Variants in APOOL observed in about 807,000 individuals in gnomAD.
APOOL encodes the protein apolipoprotein O like, also known as MICOS complex subunit MIC27.
A neutral mutation model predicts 23.1 loss-of-function variants in APOOL; 12 were observed. The observed-to-expected ratio is 0.52, with a 90% CI of 0.33 to 0.84. The LOEUF (loss-of-function observed/expected upper bound fraction) is 0.84. Among genes scored for constraint, APOOL ranks in the 40% least tolerant of loss-of-function variants. The probability of loss-of-function intolerance (pLI) is 0.02; values close to 1 mark genes in which losing one functional copy is unlikely to be tolerated. For synonymous variants in APOOL, 77 were observed against 69.9 expected (o/e 1.10, Z -0.51); for missense variants, 212 against 199.6 (o/e 1.06, Z -0.37).
At chrX:85,064,383 T>G (rs939946739) in intron 5 of APOOL, among the ~76,000 whole-genome samples, 5 of 105,225 alleles carry the variant, frequency 4.8e-5, no homozygotes, top group African/African-American at 1.1e-4. Flanking sequence ...CTTTGTCACC[T>G]TCAGCTCTGA....
intron 5 of APOOL, among the ~76,000 whole-genome samples, chrX:85,057,705 C>T (rs1461215033): frequency 9.4e-6 from 1 of 106,935 alleles, no homozygotes; most frequent in Non-Finnish European, 1.9e-5. Flanking sequence ...ATATATATCT[C>T]CCTATAGCTA....
chrX:85,084,426 C>T (rs562410613), intron 8 of APOOL, among the ~76,000 whole-genome samples: 13 of 110,234 alleles, frequency 1.2e-4, no homozygotes, highest in Admixed American at 1.2e-3. Flanking sequence ...TGAGCTACCA[C>T]GCCTGGCCTT....
intron 1 of APOOL, among the ~76,000 whole-genome samples, chrX:85,028,012 T>C (rs1330528543): frequency 4.5e-5 from 5 of 111,712 alleles, no homozygotes; most frequent in Non-Finnish European, 1.9e-5. Context: ...TGCCCAGCAG[T>C]ATGATTGCTG....
chrX:85,031,257 T>A (rs1922027176), intron 1 of APOOL, among the ~76,000 whole-genome samples: 1 of 111,810 alleles, frequency 8.9e-6, no homozygotes, highest in South Asian at 3.7e-4. Flanking sequence ...GCTTGGTATA[T>A]AGGCATCTCA....
At chrX:85,079,340 G>T (rs2147666014) in intron 8 of APOOL, among the ~76,000 whole-genome samples, 1 of 111,932 alleles carries the variant, frequency 8.9e-6, no homozygotes, top group East Asian at 2.8e-4. Flanking sequence ...TGCATCTATT[G>T]AGATAATCAT....
chrX:85,088,097 TACA>T lies in APOOL; in HGVS notation c.*420_*422del, dbSNP rs376398945. 417 of 25,224 alleles carry T rather than the reference TACA, an allele frequency of 0.017. 2 individuals are homozygous for T. The highest frequency in any genetic ancestry group is 0.022 in the Non-Finnish European group (297 of 13,358). The allele number at this position is 25,224 out of a possible 1,213,427, so 2.1% of individuals were successfully genotyped here. A position where few individuals can be genotyped will look rare whatever the true frequency, so the allele number is the denominator to read the frequency against. ...ATATACATATATGTATAAATACATA[TACA>T]TATTTATACATATATGTATAAATAC... is the stretch of plus-strand genomic sequence containing the variant. On this transcript the variant is annotated 3_prime_UTR_variant, in exon 9 of 9. Coordinates refer to ENST00000373173, the MANE Select transcript of APOOL (RefSeq NM_198450.6).
intron 5 of APOOL, among the ~76,000 whole-genome samples, chrX:85,060,554 T>C (rs1923170770): frequency 9.0e-6 from 1 of 110,629 alleles, no homozygotes; most frequent in South Asian, 3.9e-4. Context: ...TTTTATTTCA[T>C]TGAGCAGTGG....
chrX:85,069,306 C>T (rs1175148654), intron 6 of APOOL, among the ~76,000 whole-genome samples: 1 of 110,506 alleles, frequency 9.0e-6, no homozygotes, highest in Non-Finnish European at 1.9e-5. Context: ...TAATCAGGAC[C>T]AGTAGTTAAC....
intron 1 of APOOL, among the ~76,000 whole-genome samples, chrX:85,010,718 A>G (rs1207791658): frequency 8.9e-6 from 1 of 112,055 alleles, no homozygotes; most frequent in Non-Finnish European, 1.9e-5. Flanking sequence ...TGTTGTATAC[A>G]TACCACATTT....
chrX:85,038,252 T>A (rs1381794690), intron 1 of APOOL, among the ~76,000 whole-genome samples: 1 of 111,789 alleles, frequency 8.9e-6, no homozygotes, highest in East Asian at 2.8e-4. Context: ...TTCCTAGATT[T>A]GGCTTTCTAG....
chrX:85,091,085 C>T lies in APOOL; in HGVS notation c.*3407C>T, dbSNP rs774257992. On this transcript the variant is annotated 3_prime_UTR_variant, in exon 9 of 9. Coordinates refer to ENST00000373173, the MANE Select transcript of APOOL (RefSeq NM_198450.6). Reference sequence around the variant, plus strand: ...TGAAACCCTGTCTCTACTAAAAACACGCAAAAAGTGCAAAATTAGCTAGGC... The same window carrying T: ...TGAAACCCTGTCTCTACTAAAAACATGCAAAAAGTGCAAAATTAGCTAGGC... The T allele has an allele frequency of 3.6e-5, 4 of 111,582 alleles. No individual in the cohort carries two copies. The highest frequency in any genetic ancestry group is 9.8e-5 in the African/African-American group (3 of 30,709). 9.2% of individuals were successfully genotyped at this position (111,582 alleles called of 1,213,427 possible).
chrX:85,021,123 GCCAGT>G (rs780020786), intron 1 of APOOL, among the ~76,000 whole-genome samples: 2 of 111,827 alleles, frequency 1.8e-5, no homozygotes, highest in Admixed American at 1.9e-4. Flanking sequence ...CCAGTGTTAG[GCCAGT>G]CCCTGTGGCC....
chrX:85,025,726 C>T (rs1274385454), intron 1 of APOOL, among the ~76,000 whole-genome samples: 1 of 112,884 alleles, frequency 8.9e-6, no homozygotes, highest in African/African-American at 3.2e-5. Flanking sequence ...ATATCCAGGG[C>T]ACACTGCTGC....
At chrX:85,069,918 G>A (rs1231630139) in intron 6 of APOOL, among the ~76,000 whole-genome samples, 1 of 111,088 alleles carries the variant, frequency 9.0e-6, no homozygotes, top group African/African-American at 3.3e-5. Flanking sequence ...GAGTCTTTAC[G>A]AAGCATTTAA....
At chrX:85,016,235 G>A (rs1445574330) in intron 1 of APOOL, among the ~76,000 whole-genome samples, 10 of 103,158 alleles carry the variant, frequency 9.7e-5, no homozygotes, top group East Asian at 3.3e-4. Context: ...TTTTGCCATT[G>A]ATGGCAAAAA....
chrX:85,079,180 G>A, intron 8 of APOOL, among the ~76,000 whole-genome samples: 1 of 111,707 alleles, frequency 9.0e-6, no homozygotes, highest in Non-Finnish European at 1.9e-5. Flanking sequence ...GTTTTCAAAG[G>A]GAATGCTTCC....
chrX:85,046,179 C>T (rs1431536092), intron 1 of APOOL: 1 of 218,387 alleles, frequency 4.6e-6, no homozygotes, highest in Non-Finnish European at 8.2e-6. Context: ...TATATTATTA[C>T]ATAATAATAT....
intron 6 of APOOL, among the ~76,000 whole-genome samples, chrX:85,073,344 A>G (rs886669173): frequency 1.8e-5 from 2 of 111,747 alleles, no homozygotes; most frequent in African/African-American, 6.5e-5. Flanking sequence ...GAAAAAGAAG[A>G]AATCAGAAGT....
rs187359191 is a variant in APOOL at position 85,065,315 on chromosome X, G to A, written c.395-1812G>A. Among the ~76,000 whole-genome samples, 114 of 111,619 alleles carry A rather than the reference G, an allele frequency of 1.0e-3. 1 individual carries two copies. Among genetic ancestry groups the A allele is most frequent in the Non-Finnish European group, 4.3e-4 (23 of 53,066 alleles). ...TCTCTTGAATACAGCACACCAATGGGTCTTGTCTTTTTGTCCAGCTTACCA... is the reference window on the plus strand; with the variant it reads ...TCTCTTGAATACAGCACACCAATGGATCTTGTCTTTTTGTCCAGCTTACCA... On this transcript the variant is annotated intron_variant, in intron 5 of 8. Transcript: ENST00000373173.
Sources: allele counts gnomAD v4.1 joint callset (sites outside exome capture counted in the v4.1 genomes callset), GRCh38; gene constraint gnomAD v4.1.1; transcripts MANE v1.5; gene names NCBI Gene and HGNC (gene_info 2026-07-23, HGNC 2026-07-21).